The following RAB10 variants were observed in gnomAD, a reference collection of about 807,000 sequenced individuals.
RAB10 encodes ras-related protein Rab-10.
A neutral mutation model predicts 25.7 loss-of-function variants in RAB10; 5 were observed. That is an observed-to-expected ratio of 0.19 (90% CI 0.10 to 0.41). The LOEUF (loss-of-function observed/expected upper bound fraction) is 0.41, where lower values mean the gene tolerates loss of function less well. RAB10 is among the 10% of genes least tolerant of loss of function. The pLI is 1.00. For synonymous variants in RAB10, 89 were observed against 86.4 expected (o/e 1.03, Z -0.16); for missense variants, 103 against 245.8 (o/e 0.42, Z 3.89).
intron 2 of RAB10, among the ~76,000 whole-genome samples, chr2:26,106,353 T>TTAAATAAA (rs1316048588): frequency 3.3e-5 from 5 of 152,304 alleles, no homozygotes; most frequent in South Asian, 4.1e-4. Context: ...TTAACCATAG[T>TTAAATAAA]AATCTAGGAC....
intron 1 of RAB10, among the ~76,000 whole-genome samples, chr2:26,086,019 G>GC (rs1214373651): frequency 3.2e-4 from 45 of 138,838 alleles, no homozygotes; most frequent in Admixed American, 2.6e-3. Context: ...AAAAAAAAAG[G>GC]GGGGGGGCAA....
intron 3 of RAB10, among the ~76,000 whole-genome samples, chr2:26,122,798 C>T (rs1667833110): frequency 6.6e-6 from 1 of 152,036 alleles, no homozygotes; most frequent in Non-Finnish European, 1.5e-5. Context: ...GGCAGGCTAA[C>T]AGGAGAAGCA....
chr2:26,123,655 A>G (rs1413633409), intron 3 of RAB10, among the ~76,000 whole-genome samples: 1 of 152,206 alleles, frequency 6.6e-6, no homozygotes, highest in African/African-American at 2.4e-5. Context: ...TTGGACGATA[A>G]GGAAGAAGGC....
At chr2:26,064,543 C>T (rs1447877943) in intron 1 of RAB10, among the ~76,000 whole-genome samples, 1 of 151,846 alleles carries the variant, frequency 6.6e-6, no homozygotes, top group Non-Finnish European at 1.5e-5. Flanking sequence ...GGGGTGTACA[C>T]CATGTTGCCC....
chr2:26,060,687 T>C (rs1481737986), intron 1 of RAB10, among the ~76,000 whole-genome samples: 3 of 152,240 alleles, frequency 2.0e-5, no homozygotes, highest in Non-Finnish European at 4.4e-5. Flanking sequence ...AAGAAGGTTA[T>C]GTAGCTAATA....
upstream of RAB10, chr2:26,033,970 C>G: frequency 2.5e-6 from 1 of 397,414 alleles, no homozygotes; most frequent in Non-Finnish European, 4.4e-6. Context: ...GGCTTGGAGA[C>G]AGGAGCATTC....
intron 1 of RAB10, among the ~76,000 whole-genome samples, chr2:26,077,194 C>G (rs537115272): frequency 2.0e-5 from 3 of 151,984 alleles, no homozygotes; most frequent in Admixed American, 6.6e-5. Context: ...TTTAAAAAAT[C>G]GTGTGAAATG....
intron 1 of RAB10, among the ~76,000 whole-genome samples, chr2:26,084,571 T>G (rs186082945): frequency 6.6e-6 from 1 of 152,310 alleles, no homozygotes; most frequent in Admixed American, 6.5e-5. Flanking sequence ...AGTACATTAT[T>G]ATTACAGTTG....
chr2:26,039,637 C>T (rs1574522746), intron 1 of RAB10, among the ~76,000 whole-genome samples: 3 of 152,100 alleles, frequency 2.0e-5, no homozygotes, highest in Non-Finnish European at 4.4e-5. Flanking sequence ...ACGTGAGCCA[C>T]CACACTTGGC....
intron 1 of RAB10, among the ~76,000 whole-genome samples, chr2:26,047,570 CCAT>C (rs1666040079): frequency 6.6e-6 from 1 of 151,798 alleles, no homozygotes; most frequent in African/African-American, 2.4e-5. Flanking sequence ...GCACCCACCA[CCAT>C]GCCCAGCTAA....
intron 1 of RAB10, among the ~76,000 whole-genome samples, chr2:26,045,294 C>CA (rs1221557453): frequency 6.6e-6 from 1 of 151,074 alleles, no homozygotes; most frequent in East Asian, 1.9e-4. Context: ...GGCTGGAGTG[C>CA]AGTGGCACAA....
chr2:26,083,277 C>T (rs1666906279), intron 1 of RAB10, among the ~76,000 whole-genome samples: 1 of 152,072 alleles, frequency 6.6e-6, no homozygotes, highest in South Asian at 2.1e-4. Flanking sequence ...AACCTACCTT[C>T]TCCACAAAAA....
intron 1 of RAB10, among the ~76,000 whole-genome samples, chr2:26,059,143 T>A (rs1011561719): frequency 5.9e-5 from 9 of 152,246 alleles, no homozygotes; most frequent in Non-Finnish European, 1.2e-4. Flanking sequence ...AAAGTTGATG[T>A]TGCAGTGTGA....
intron 1 of RAB10, among the ~76,000 whole-genome samples, chr2:26,093,102 T>C (rs1667142484): frequency 6.6e-6 from 1 of 152,114 alleles, no homozygotes; most frequent in Non-Finnish European, 1.5e-5. Flanking sequence ...AACCATTTCT[T>C]GGTGAGAGGT....
Position 26,136,683 on chromosome 2 carries a change from G to GTC in RAB10, c.*1662_*1663insTC, listed in dbSNP as rs1330124311. 1 of 152,648 alleles carries GTC rather than the reference G, an allele frequency of 6.6e-6. No individual in the cohort carries two copies. Among genetic ancestry groups the GTC allele is most frequent in the East Asian group, 1.9e-4 (1 of 5,204 alleles). The allele number at this position is 152,648 out of a possible 1,614,324, so 9.5% of individuals were successfully genotyped here. On this transcript the variant is annotated 3_prime_UTR_variant, in exon 6 of 6. Coordinates refer to ENST00000264710, the MANE Select transcript of RAB10 (RefSeq NM_016131.5). ...TGAGTTTAGGACAGCAGCTTCCATT[G>GTC]AGAAGTCTTTCTGTGTCGTGAATAG...
intron 1 of RAB10, among the ~76,000 whole-genome samples, chr2:26,047,884 C>G (rs1167338475): frequency 1.3e-5 from 2 of 151,968 alleles, no homozygotes; most frequent in Non-Finnish European, 2.9e-5. Flanking sequence ...CCACCACACC[C>G]AGCTAATTTT....
chr2:26,085,872 G>T (rs1256885990), intron 1 of RAB10, among the ~76,000 whole-genome samples: 3 of 151,626 alleles, frequency 2.0e-5, no homozygotes, highest in African/African-American at 7.3e-5. Context: ...GGTGGCGCAT[G>T]CCTGTAATCC....
At chr2:26,093,411 A>G (rs1022987170) in intron 1 of RAB10, among the ~76,000 whole-genome samples, 3 of 152,094 alleles carry the variant, frequency 2.0e-5, no homozygotes, top group Non-Finnish European at 2.9e-5. Context: ...TCAAACCAAT[A>G]TTCTTTAGAA....
At chr2:26,078,693 A>G (rs1666793371) in intron 1 of RAB10, among the ~76,000 whole-genome samples, 1 of 152,096 alleles carries the variant, frequency 6.6e-6, no homozygotes, top group Non-Finnish European at 1.5e-5. Flanking sequence ...GACCTGATGA[A>G]CCTAGGTAGG....
Sources: gnomAD v4.1 joint callset for allele counts (sites outside exome capture counted in the v4.1 genomes callset) on GRCh38, gnomAD v4.1.1 for gene constraint, MANE v1.5 for transcripts, NCBI Gene and HGNC (gene_info 2026-07-23, HGNC 2026-07-21) for gene names.